Variants in CENPP observed in about 807,000 individuals in gnomAD.
CENPP encodes centromere protein P.
A neutral mutation model predicts 35.6 loss-of-function variants in CENPP; 24 were observed. The ratio of observed to expected loss-of-function variants is 0.67; its 90% CI spans 0.49 to 0.95. The LOEUF is 0.95. Ranked by LOEUF, CENPP falls within the 40% of genes least tolerant of loss-of-function variation. The pLI, the probability that CENPP is intolerant of heterozygous loss-of-function variation, is 0.00. For synonymous variants in CENPP, 120 were observed against 125.5 expected (o/e 0.96, Z 0.29); for missense variants, 332 against 345.3 (o/e 0.96, Z 0.31).
intron 5 of CENPP, chr9:92,390,086 A>G (rs949964879): frequency 3.1e-6 from 4 of 1,276,580 alleles, no homozygotes; most frequent in African/African-American, 3.0e-5. Context: ...AAAAACAACT[A>G]CGTAAGTAAA....
At chr9:92,414,427 T>C (rs569706918) in intron 5 of CENPP, 2 of 206,958 alleles carry the variant, frequency 9.7e-6, no homozygotes, top group East Asian at 1.5e-4. Flanking sequence ...TGCTGAAATC[T>C]GCTAAAATAC....
intron 5 of CENPP, among the ~76,000 whole-genome samples, chr9:92,400,373 A>G (rs999361316): frequency 1.3e-5 from 2 of 151,402 alleles, no homozygotes; most frequent in Non-Finnish European, 2.9e-5. Context: ...CTGGTCTTGA[A>G]CTCCTGACCT....
intron 5 of CENPP, among the ~76,000 whole-genome samples, chr9:92,566,195 G>A (rs190144092): frequency 1.3e-5 from 2 of 151,938 alleles, no homozygotes; most frequent in Non-Finnish European, 2.9e-5. Flanking sequence ...CAGCTACTCG[G>A]GAGGCTGAGG....
intron 1 of CENPP, among the ~76,000 whole-genome samples, chr9:92,327,437 A>G (rs1251918560): frequency 6.6e-6 from 1 of 152,234 alleles, no homozygotes; most frequent in Non-Finnish European, 1.5e-5. Context: ...TGGGCTAGGT[A>G]TACATATTCA....
chr9:92,416,082 A>T (rs1843597620), intron 5 of CENPP, among the ~76,000 whole-genome samples: 1 of 141,558 alleles, frequency 7.1e-6, no homozygotes, highest in Admixed American at 7.2e-5. Context: ...TTATTTATTT[A>T]TTTATTTATT....
At chr9:92,396,379 CA>C (rs369199427) in intron 5 of CENPP, among the ~76,000 whole-genome samples, 123 of 144,880 alleles carry the variant, frequency 8.5e-4, no homozygotes, top group South Asian at 1.2e-3. Context: ...GTTAATTAAA[CA>C]AAAAAAAAAC....
intron 5 of CENPP, among the ~76,000 whole-genome samples, chr9:92,569,790 C>T (rs1292151931): frequency 7.2e-5 from 11 of 152,076 alleles, no homozygotes; most frequent in Middle Eastern, 3.2e-3. Flanking sequence ...TGAAGAGGTC[C>T]TTCACATCCC....
In CENPP at chr9:92,441,575, A is replaced by G. The variant is rs576004424; in HGVS notation, c.564+61716A>G. ...GGAGTTCAAGACCAGCCTGAGCAAC[A>G]TAACAAGACTCCACCTCTACAAAAA... On this transcript the variant is annotated intron_variant, in intron 5 of 7. Transcript: ENST00000375587. Among the ~76,000 whole-genome samples the G allele has an allele frequency of 1.3e-5, 2 of 152,256 alleles. 1 individual carries two copies. Among genetic ancestry groups the G allele is most frequent in the South Asian group, 4.1e-4 (2 of 4,824 alleles).
At chr9:92,450,117 T>G (rs1212095976) in intron 5 of CENPP, among the ~76,000 whole-genome samples, 1 of 152,090 alleles carries the variant, frequency 6.6e-6, no homozygotes, top group Non-Finnish European at 1.5e-5. Flanking sequence ...TATTATACTT[T>G]AAGTTTTACG....
At chr9:92,502,731 C>A in intron 5 of CENPP, 1 of 1,134,566 alleles carries the variant, frequency 8.8e-7, no homozygotes, top group Non-Finnish European at 1.2e-6. Flanking sequence ...AAAATAGTGA[C>A]ATAGACTATT....
chr9:92,505,587 AC>A (rs1846952328), intron 5 of CENPP: 1 of 1,608,786 alleles, frequency 6.2e-7, no homozygotes, highest in African/African-American at 1.3e-5. Context: ...TTTTTCCCAG[AC>A]GCAAGTAGGC....
upstream of CENPP, chr9:92,325,670 C>T (rs1868027): frequency 0.017 from 5,199 of 308,214 alleles, 278 homozygotes; most frequent in African/African-American, 0.11. Flanking sequence ...GTGAGGCACG[C>T]GGCCGGGCGG....
intron 5 of CENPP, among the ~76,000 whole-genome samples, chr9:92,417,887 C>A (rs566872453): frequency 6.6e-6 from 1 of 151,174 alleles, no homozygotes; most frequent in African/African-American, 2.4e-5. Flanking sequence ...CCACTATGCC[C>A]AGCTTATTTT....
chr9:92,470,803 T>C (rs1845483319), intron 5 of CENPP: 2 of 1,326,058 alleles, frequency 1.5e-6, no homozygotes, highest in Non-Finnish European at 2.1e-6. Context: ...ACAAACATAT[T>C]ATATAATAGA....
At chr9:92,342,156 T>C (rs968460468) in intron 3 of CENPP, among the ~76,000 whole-genome samples, 1 of 152,260 alleles carries the variant, frequency 6.6e-6, no homozygotes, top group Admixed American at 6.5e-5. Flanking sequence ...GCCTCGCCTG[T>C]TCTTTTAAAG....
chr9:92,612,411 T>C, intron 6 of CENPP, 112 bp from the exon 7 acceptor site: 1 of 785,964 alleles, frequency 1.3e-6, no homozygotes, highest in East Asian at 2.6e-5. Context: ...GATTGGGGTT[T>C]CTAGCAGGGG....
At chr9:92,396,060 C>G (rs577104811) in intron 5 of CENPP, among the ~76,000 whole-genome samples, 1 of 152,126 alleles carries the variant, frequency 6.6e-6, no homozygotes, top group South Asian at 2.1e-4. Flanking sequence ...AGGGTTAATT[C>G]TTTTTTGAAA....
At chr9:92,551,139 C>A (rs1849578840) in intron 5 of CENPP, among the ~76,000 whole-genome samples, 1 of 152,074 alleles carries the variant, frequency 6.6e-6, no homozygotes, top group South Asian at 2.1e-4. Context: ...TGCTTAGTGG[C>A]CAAGCGGAGC....
intron 5 of CENPP, among the ~76,000 whole-genome samples, chr9:92,535,281 A>G (rs1450966891): frequency 1.3e-5 from 2 of 152,152 alleles, no homozygotes; most frequent in African/African-American, 4.8e-5. Flanking sequence ...TTAGGCCCTC[A>G]TTATTTTCAT....
Sources: gnomAD v4.1 joint callset for allele counts (sites outside exome capture counted in the v4.1 genomes callset) on GRCh38, gnomAD v4.1.1 for gene constraint, MANE v1.5 for transcripts, NCBI Gene and HGNC (gene_info 2026-07-23, HGNC 2026-07-21) for gene names.